HS6ST2: variants seen among roughly 807,000 people sequenced by gnomAD.
HS6ST2 encodes heparan sulfate 6-O-sulfotransferase 2.
Under a neutral mutation model 33.0 loss-of-function variants are expected in HS6ST2, and 17 were observed. The ratio of observed to expected loss-of-function variants is 0.52; its 90% confidence interval spans 0.35 to 0.77. HS6ST2 has a LOEUF of 0.77. Among genes scored for constraint, HS6ST2 ranks in the 30% least tolerant of loss-of-function variants. The pLI, the probability that HS6ST2 is intolerant of heterozygous loss-of-function variation, is 0.01. For missense variants in HS6ST2, 519 were observed against 551.7 expected (o/e 0.94, Z 0.59); for synonymous variants, 248 against 237.1 (o/e 1.05, Z -0.42).
rs916551551 is a variant in HS6ST2, at chrX:132,835,808, C to T, written c.947+121000G>A. Among the ~76,000 whole-genome samples, 3 of 111,243 alleles carry T rather than the reference C, an allele frequency of 2.7e-5. No individual in the cohort carries two copies. The South Asian group carries it at 1.2e-3, about 43-fold the overall frequency. On this transcript the variant is annotated intron_variant, in intron 2 of 4. Coordinates refer to ENST00000370833, the MANE Select transcript of HS6ST2 (RefSeq NM_001394073.1). ...GCAGGCGCCTGTAATCCTAGCTACT[C>T]GGGAGGCTGAGGCAGGAGAATCGCT...
At chrX:132,669,493 G>C (rs898038748) in intron 3 of HS6ST2, 1 of 193,393 alleles carries the variant, frequency 5.2e-6, no homozygotes, top group African/African-American at 3.3e-5. Flanking sequence ...CAGGCCCCAA[G>C]GGGGCCTCTA....
chrX:132,689,708 C>A (rs183516857), intron 3 of HS6ST2, among the ~76,000 whole-genome samples: 1,539 of 112,003 alleles, frequency 0.014, 30 homozygotes, highest in African/African-American at 0.048. Flanking sequence ...AAACTCCCCT[C>A]TGGTTAAGAG....
intron 2 of HS6ST2, among the ~76,000 whole-genome samples, chrX:132,731,719 C>T (rs1481305222): frequency 3.1e-4 from 34 of 111,383 alleles, no homozygotes; most frequent in Non-Finnish European, 3.8e-5. Context: ...TGGTGGCGGG[C>T]ACCTGTAGTC....
At chrX:132,848,677 C>A (rs926113158) in intron 2 of HS6ST2, among the ~76,000 whole-genome samples, 1 of 111,811 alleles carries the variant, frequency 8.9e-6, no homozygotes, top group Non-Finnish European at 1.9e-5. Flanking sequence ...TAAGAAAATT[C>A]TATGCATACT....
chrX:132,770,661 T>C (rs1250546647), intron 2 of HS6ST2, among the ~76,000 whole-genome samples: 2 of 111,411 alleles, frequency 1.8e-5, no homozygotes, highest in Non-Finnish European at 3.8e-5. Flanking sequence ...ATTCTGTCTC[T>C]CCTTGGAGGC....
chrX:132,824,224 T>A (rs1169703653), intron 2 of HS6ST2, among the ~76,000 whole-genome samples: 1 of 111,735 alleles, frequency 8.9e-6, no homozygotes, highest in African/African-American at 3.2e-5. Context: ...TTGCTTCGTG[T>A]TTTTTAGTCC....
intron 2 of HS6ST2, among the ~76,000 whole-genome samples, chrX:132,865,472 T>C (rs969569240): frequency 9.1e-5 from 10 of 110,203 alleles, no homozygotes; most frequent in African/African-American, 3.0e-4. Context: ...GCATGATTTA[T>C]AGTCCTTTGG....
chrX:132,753,370 C>T (rs919381326), intron 2 of HS6ST2, among the ~76,000 whole-genome samples: 2 of 111,763 alleles, frequency 1.8e-5, no homozygotes, highest in African/African-American at 6.5e-5. Context: ...TGTGTCCCCA[C>T]CCAAATCTCA....
rs767196113 is a variant in HS6ST2 at position 132,958,271 on chromosome X, C to T, written c.332G>A (p.Cys111Tyr). ...CAGGCCCCGAGTGAGCAGGGCCCGGCAGAGGGAGCCCAGGTCCCAGCGTCG... is the reference window on the plus strand; with the variant it reads ...CAGGCCCCGAGTGAGCAGGGCCCGGTAGAGGGAGCCCAGGTCCCAGCGTCG... ...LRRRWDLGSL[C>Y]RALLTRGLAA... Residue 111 changes from cysteine (C) to tyrosine (Y), a missense_variant, in exon 1 of 5, where the codon TGC (cysteine) becomes TAC (tyrosine). Physicochemically the swap from Cys to Tyr is radical, Grantham distance 194. Transcript: ENST00000370833. 3.4e-6 allele frequency: 4 copies of T among 1,190,382 alleles called. No individual in the cohort carries two copies. The highest frequency in any genetic ancestry group is 3.4e-6 in the Non-Finnish European group (3 of 890,168).
intron 2 of HS6ST2, among the ~76,000 whole-genome samples, chrX:132,930,201 G>A (rs1258659279): frequency 1.8e-5 from 2 of 110,378 alleles, no homozygotes; most frequent in Admixed American, 9.7e-5. Flanking sequence ...TTGCTCTGTC[G>A]TCCAGGCTAG....
At chrX:132,810,404 AGAAAGAAG>A (rs2065329769) in intron 2 of HS6ST2, among the ~76,000 whole-genome samples, 1 of 86,455 alleles carries the variant, frequency 1.2e-5, no homozygotes, top group African/African-American at 4.9e-5. Flanking sequence ...ATCATGAGAA[AGAAAGAAG>A]GAAGGAAGGA....
chrX:132,788,119 T>C lies in HS6ST2; in HGVS notation c.948-79625A>G, dbSNP rs1041347950. ...CATATTCAGAAAGTAGAGACAAGCA[T>C]ACCTCATTTCATTGTGCCTCAAAGA... is the stretch of plus-strand genomic sequence containing the variant. On this transcript the variant is annotated intron_variant, in intron 2 of 4. Coordinates refer to ENST00000370833, the MANE Select transcript of HS6ST2 (RefSeq NM_001394073.1). 6.3e-5 allele frequency among the ~76,000 whole-genome samples: 7 copies of C among 111,526 alleles called. No individual in the cohort carries two copies. In the Admixed American group the frequency reaches 6.7e-4, roughly 11 times the overall value.
chrX:132,693,219 T>G (rs777092551), intron 3 of HS6ST2, among the ~76,000 whole-genome samples: 1 of 111,927 alleles, frequency 8.9e-6, no homozygotes, highest in African/African-American at 3.2e-5. Flanking sequence ...TTTCAGGAGA[T>G]AGAGGGCTTG....
At chrX:132,848,135 C>G (rs1457260035) in intron 2 of HS6ST2, among the ~76,000 whole-genome samples, 1 of 111,519 alleles carries the variant, frequency 9.0e-6, no homozygotes, top group Non-Finnish European at 1.9e-5. Flanking sequence ...TTTTTCTGAG[C>G]AGGCTAAGAA....
intron 2 of HS6ST2, among the ~76,000 whole-genome samples, chrX:132,727,062 G>A (rs767233177): frequency 6.4e-5 from 7 of 110,003 alleles, no homozygotes; most frequent in Non-Finnish European, 9.5e-5. Context: ...GTAATGAAAC[G>A]CTAATCAAAA....
intron 4 of HS6ST2, among the ~76,000 whole-genome samples, chrX:132,665,238 G>T (rs1037901698): frequency 1.7e-4 from 19 of 111,934 alleles, no homozygotes; most frequent in Admixed American, 4.7e-4. Flanking sequence ...AGAGCACCTG[G>T]CTGGACATCC....
chrX:132,898,338 A>G (rs2066396030), intron 2 of HS6ST2, among the ~76,000 whole-genome samples: 1 of 105,587 alleles, frequency 9.5e-6, no homozygotes, highest in Admixed American at 1.0e-4. Flanking sequence ...TCAGTTTGAA[A>G]AAAAGGTGTC....
At position 132,705,478 on chromosome X, in the gene HS6ST2, G is replaced by A. The variant is rs779216983; in HGVS notation, c.980+2984C>T. On this transcript the variant is annotated intron_variant, in intron 3 of 4. Coordinates refer to ENST00000370833, the MANE Select transcript of HS6ST2 (RefSeq NM_001394073.1). ...TGCATGTGTACAGGTGTATGTGTAA[G>A]TACCCCAAATCACTGTAAGATTAAA... Among the ~76,000 whole-genome samples, 107 of 111,296 alleles carry A rather than the reference G, an allele frequency of 9.6e-4. 1 individual carries two copies. Among genetic ancestry groups the A allele is most frequent in the Non-Finnish European group, 1.8e-3 (94 of 53,101 alleles).
intron 2 of HS6ST2, among the ~76,000 whole-genome samples, chrX:132,945,782 T>C (rs2148499446): frequency 1.1e-5 from 1 of 93,403 alleles, no homozygotes; most frequent in East Asian, 3.6e-4. Flanking sequence ...ACATCACTCA[T>C]AGGTGGTAAT....
Sources: allele counts gnomAD v4.1 joint callset (sites outside exome capture counted in the v4.1 genomes callset), GRCh38; gene constraint gnomAD v4.1.1; transcripts MANE v1.5; gene names NCBI Gene and HGNC (gene_info 2026-07-23, HGNC 2026-07-21).